Variants in CNTNAP2 observed in about 807,000 individuals in gnomAD.
CNTNAP2 encodes the protein contactin-associated protein-like 2.
CNTNAP2 carries 98 observed loss-of-function variants against 155.2 expected under a neutral mutation model. The observed-to-expected ratio is 0.63, with a 90% CI of 0.54 to 0.75. The LOEUF is 0.75. Ranked by LOEUF, CNTNAP2 falls within the 30% of genes least tolerant of loss-of-function variation. The pLI is 0.00. For missense variants in CNTNAP2, 1,727 were observed against 1,688.1 expected (o/e 1.02, Z -0.40); for synonymous variants, 651 against 631.2 (o/e 1.03, Z -0.47).
chr7:146,696,710 A>G (rs924588362), intron 1 of CNTNAP2, among the ~76,000 whole-genome samples: 1 of 152,098 alleles, frequency 6.6e-6, no homozygotes, highest in Non-Finnish European at 1.5e-5. Flanking sequence ...ACATTTTGAA[A>G]AGTTGTATTT....
At chr7:148,186,781 C>CTTTTACCAT (rs1156841191) in intron 18 of CNTNAP2, among the ~76,000 whole-genome samples, 5 of 152,258 alleles carry the variant, frequency 3.3e-5, no homozygotes, top group African/African-American at 1.2e-4. Context: ...TGATTCATTC[C>CTTTTACCAT]TTACTCTTCT....
chr7:147,236,269 G>A (rs951193611), intron 8 of CNTNAP2, among the ~76,000 whole-genome samples: 5 of 152,188 alleles, frequency 3.3e-5, no homozygotes, highest in African/African-American at 7.2e-5. Flanking sequence ...ACTCTGATAC[G>A]CTGTGTGGGC....
At chr7:148,303,559 T>G (rs1488515679) in intron 21 of CNTNAP2, among the ~76,000 whole-genome samples, 1 of 152,186 alleles carries the variant, frequency 6.6e-6, no homozygotes, top group Non-Finnish European at 1.5e-5. Flanking sequence ...TCATACATAC[T>G]AAGCTGAGAA....
intron 14 of CNTNAP2, among the ~76,000 whole-genome samples, chr7:147,942,447 T>TA (rs1426312431): frequency 6.6e-6 from 1 of 152,206 alleles, no homozygotes; most frequent in Non-Finnish European, 1.5e-5. Context: ...GGAGGAATTG[T>TA]AAAAACTTAA....
At chr7:146,855,329 A>G (rs888410869) in intron 3 of CNTNAP2, among the ~76,000 whole-genome samples, 1 of 152,174 alleles carries the variant, frequency 6.6e-6, no homozygotes, top group Non-Finnish European at 1.5e-5. Context: ...TCTCAATACT[A>G]GGAATTTAGT....
chr7:148,208,005 C>T (rs1008333741), intron 18 of CNTNAP2, among the ~76,000 whole-genome samples: 1 of 151,726 alleles, frequency 6.6e-6, no homozygotes, highest in Non-Finnish European at 1.5e-5. Context: ...AGGAGAATGG[C>T]GTGAACCCGG....
At position 148,219,474 on chromosome 7, in the gene CNTNAP2, G is replaced by A. The variant is rs1380128755; in HGVS notation, c.3247+1950G>A. 5.3e-5 allele frequency among the ~76,000 whole-genome samples: 8 copies of A among 152,138 alleles called. No homozygotes were observed. The East Asian group carries it at 1.5e-3, about 29-fold the overall frequency. ...TATGGAAGGCTGAGGCAGGAGGATTGCTTGAGACCAGTAGTTCAAGATTAG... is the reference window on the plus strand; with the variant it reads ...TATGGAAGGCTGAGGCAGGAGGATTACTTGAGACCAGTAGTTCAAGATTAG... On this transcript the variant is annotated intron_variant, in intron 19 of 23. Coordinates refer to ENST00000361727, the MANE Select transcript of CNTNAP2 (RefSeq NM_014141.6).
At chr7:148,387,552 C>T (rs4726965) in intron 22 of CNTNAP2, among the ~76,000 whole-genome samples, 38,128 of 151,828 alleles carry the variant, frequency 0.25, 5,440 homozygotes, top group Non-Finnish European at 0.33. Context: ...CCTCAACAAG[C>T]AGCAATGGGT....
chr7:148,006,260 CTG>C (rs1184132945), intron 15 of CNTNAP2, among the ~76,000 whole-genome samples: 1 of 150,888 alleles, frequency 6.6e-6, no homozygotes, highest in Non-Finnish European at 1.5e-5. Context: ...AAACAATACT[CTG>C]TGAGAAATAG....
chr7:147,751,572 C>T (rs1207301582), intron 13 of CNTNAP2, among the ~76,000 whole-genome samples: 2 of 152,198 alleles, frequency 1.3e-5, no homozygotes, highest in Admixed American at 6.5e-5. Context: ...ATCATCGTCC[C>T]TTAACACCAA....
chr7:147,809,136 T>C (rs1424870240), intron 13 of CNTNAP2, among the ~76,000 whole-genome samples: 1 of 152,188 alleles, frequency 6.6e-6, no homozygotes, highest in Non-Finnish European at 1.5e-5. Context: ...CAGCTTGCCT[T>C]CCTGGGACGA....
chr7:148,088,423 G>A (rs542690707), intron 15 of CNTNAP2, among the ~76,000 whole-genome samples: 3 of 151,480 alleles, frequency 2.0e-5, no homozygotes, highest in Non-Finnish European at 4.4e-5. Flanking sequence ...ATAAAATTTT[G>A]GCTAGACTAA....
chr7:148,365,435 T>A (rs112206962), intron 21 of CNTNAP2, among the ~76,000 whole-genome samples: 4,744 of 152,104 alleles, frequency 0.031, 89 homozygotes, highest in Non-Finnish European at 0.039. Flanking sequence ...GAGACCAAGG[T>A]GGGCAGACTC....
intron 10 of CNTNAP2, among the ~76,000 whole-genome samples, chr7:147,404,164 C>A (rs1796964208): frequency 6.6e-6 from 1 of 152,164 alleles, no homozygotes; most frequent in South Asian, 2.1e-4. Context: ...GGCAGAAAGT[C>A]TCCCAGATAA....
chr7:147,222,602 T>C (rs894606629), intron 8 of CNTNAP2, among the ~76,000 whole-genome samples: 2 of 152,136 alleles, frequency 1.3e-5, no homozygotes, highest in African/African-American at 4.8e-5. Flanking sequence ...CCCTTCAAAC[T>C]GTTTTTTGTC....
At chr7:147,185,591 A>G (rs1802547315) in intron 8 of CNTNAP2, among the ~76,000 whole-genome samples, 1 of 152,256 alleles carries the variant, frequency 6.6e-6, no homozygotes, top group Non-Finnish European at 1.5e-5. Flanking sequence ...ATACAGAAAT[A>G]GAGATGAATC....
chr7:146,871,922 G>A (rs566662814), intron 3 of CNTNAP2, among the ~76,000 whole-genome samples: 9 of 151,940 alleles, frequency 5.9e-5, no homozygotes, highest in African/African-American at 2.2e-4. Flanking sequence ...ATCACATATT[G>A]CTATTCTCCA....
chr7:147,347,208 A>G (rs1795878649), intron 9 of CNTNAP2, among the ~76,000 whole-genome samples: 1 of 151,962 alleles, frequency 6.6e-6, no homozygotes, highest in African/African-American at 2.4e-5. Context: ...CCATTTGTGG[A>G]AGTCATCTTC....
At chr7:147,345,369 T>G (rs1247594850) in intron 9 of CNTNAP2, among the ~76,000 whole-genome samples, 1 of 152,232 alleles carries the variant, frequency 6.6e-6, no homozygotes, top group Non-Finnish European at 1.5e-5. Context: ...CCTTTGCTGT[T>G]AGTTGATTGA....
Sources: allele counts gnomAD v4.1 joint callset (sites outside exome capture counted in the v4.1 genomes callset), GRCh38; gene constraint gnomAD v4.1.1; transcripts MANE v1.5; gene names NCBI Gene and HGNC (gene_info 2026-07-23, HGNC 2026-07-21).